Variants in IPCEF1 observed in about 807,000 individuals in gnomAD.
IPCEF1 encodes interaction protein for cytohesin exchange factors 1.
Under a neutral mutation model 50.9 loss-of-function variants are expected in IPCEF1, and 31 were observed. The observed-to-expected ratio is 0.61, with a 90% CI of 0.46 to 0.82. The LOEUF is 0.82. IPCEF1 is among the 40% of genes least tolerant of loss of function. IPCEF1 has a pLI of 0.00. For synonymous variants in IPCEF1, 181 were observed against 192.0 expected (o/e 0.94, Z 0.47); for missense variants, 458 against 514.0 (o/e 0.89, Z 1.05).
chr6:154,274,688 GTGGTCTATACCT>G (rs1234383054), intron 2 of IPCEF1, among the ~76,000 whole-genome samples: 1 of 152,128 alleles, frequency 6.6e-6, no homozygotes, highest in African/African-American at 2.4e-5. Flanking sequence ...CTTCTAAAAT[GTGGTCTATACCT>G]GCAGGGGCCA....
At chr6:154,330,412 A>G (rs971742803) in intron 1 of IPCEF1, among the ~76,000 whole-genome samples, 1 of 140,780 alleles carries the variant, frequency 7.1e-6, no homozygotes, top group Non-Finnish European at 1.5e-5. Context: ...ATAGCTCACT[A>G]TATAGCCTCA....
At chr6:154,335,769 A>G (rs1783775124) in intron 1 of IPCEF1, among the ~76,000 whole-genome samples, 1 of 152,244 alleles carries the variant, frequency 6.6e-6, no homozygotes, top group Non-Finnish European at 1.5e-5. Flanking sequence ...AATATTCAGA[A>G]TAACAAGGAA....
At chr6:154,200,951 G>A (rs769919495) in intron 9 of IPCEF1, among the ~76,000 whole-genome samples, 4 of 152,162 alleles carry the variant, frequency 2.6e-5, no homozygotes, top group Non-Finnish European at 2.9e-5. Flanking sequence ...GGGACCTGAT[G>A]GGAGGTGATT....
intron 5 of IPCEF1, among the ~76,000 whole-genome samples, chr6:154,242,519 T>A (rs9479796): frequency 1.3e-5 from 2 of 151,926 alleles, no homozygotes; most frequent in Non-Finnish European, 2.9e-5. Flanking sequence ...GATCTTCTCC[T>A]ACAGAAATGA....
chr6:154,264,826 C>T lies in IPCEF1; in HGVS notation c.36+1086G>A, dbSNP rs974590348. On this transcript the variant is annotated intron_variant, in intron 3 of 11. Coordinates refer to ENST00000367220, the MANE Select transcript of IPCEF1 (RefSeq NM_001130700.2). ...CAAGTCAAGCAAAGGATGTTTCAGC[C>T]GCCCTGCATGTTACTAAGGTGTCCC... is the stretch of plus-strand genomic sequence containing the variant. Among the ~76,000 whole-genome samples, 26 of 152,132 alleles carry T rather than the reference C, an allele frequency of 1.7e-4. 1 individual carries two copies. The highest frequency in any genetic ancestry group is 1.6e-3 in the Admixed American group (24 of 15,278).
chr6:154,226,886 A>G (rs28672815), intron 5 of IPCEF1, among the ~76,000 whole-genome samples: 2,336 of 152,234 alleles, frequency 0.015, 25 homozygotes, highest in Middle Eastern at 0.041. Context: ...AAACAGAAAA[A>G]TCAAAAACAA....
At chr6:154,344,084 T>C (rs1783976603) in intron 1 of IPCEF1, among the ~76,000 whole-genome samples, 1 of 151,828 alleles carries the variant, frequency 6.6e-6, no homozygotes, top group South Asian at 2.1e-4. Flanking sequence ...CCTCCTCCTC[T>C]AGCCTCCTCA....
At chr6:154,205,015 C>T (rs898112335) in intron 9 of IPCEF1, among the ~76,000 whole-genome samples, 2 of 152,118 alleles carry the variant, frequency 1.3e-5, no homozygotes, top group East Asian at 1.9e-4. Flanking sequence ...GTTGGGTGGA[C>T]GGCCTCCTTC....
intron 1 of IPCEF1, among the ~76,000 whole-genome samples, chr6:154,336,455 G>A (rs998755658): frequency 2.6e-5 from 4 of 152,192 alleles, no homozygotes; most frequent in Admixed American, 2.6e-4. Context: ...CTCACATGTG[G>A]AAGCTAAAAA....
intron 3 of IPCEF1, among the ~76,000 whole-genome samples, chr6:154,262,493 A>C (rs761584919): frequency 2.6e-5 from 4 of 152,214 alleles, no homozygotes; most frequent in Non-Finnish European, 4.4e-5. Flanking sequence ...TAGAATCAGG[A>C]TAGGTAAGGG....
At chr6:154,295,894 T>C (rs978219330) in intron 1 of IPCEF1, among the ~76,000 whole-genome samples, 3 of 106,712 alleles carry the variant, frequency 2.8e-5, no homozygotes, top group Non-Finnish European at 5.6e-5. Flanking sequence ...CACACATGCG[T>C]ACACACACAC....
chr6:154,247,154 G>A (rs1048298898), intron 4 of IPCEF1: 2 of 428,842 alleles, frequency 4.7e-6, no homozygotes, highest in African/African-American at 2.0e-5. Context: ...AATAACAGCC[G>A]TAGTTATGCA....
intron 5 of IPCEF1, among the ~76,000 whole-genome samples, chr6:154,223,609 C>T (rs1258551408): frequency 3.9e-5 from 6 of 152,166 alleles, no homozygotes; most frequent in South Asian, 2.1e-4. Context: ...TCTATTCCTA[C>T]GACTCTAGTC....
chr6:154,218,205 A>G (rs1778567010), intron 7 of IPCEF1, among the ~76,000 whole-genome samples: 1 of 152,228 alleles, frequency 6.6e-6, no homozygotes, highest in South Asian at 2.1e-4. Flanking sequence ...AGTTTGTTGT[A>G]TATTAACTTG....
At chr6:154,169,546 C>T (rs1311198284) in intron 10 of IPCEF1, among the ~76,000 whole-genome samples, 2 of 152,344 alleles carry the variant, frequency 1.3e-5, no homozygotes, top group African/African-American at 4.8e-5. Flanking sequence ...TTGAGAACTA[C>T]TGCCCTAGAT....
intron 1 of IPCEF1, among the ~76,000 whole-genome samples, chr6:154,341,634 CT>C (rs977272816): frequency 6.6e-6 from 1 of 152,110 alleles, no homozygotes; most frequent in Non-Finnish European, 1.5e-5. Flanking sequence ...CCTTTTTCAT[CT>C]TTCTTCCTCC....
intron 1 of IPCEF1, among the ~76,000 whole-genome samples, chr6:154,340,660 C>T (rs879829811): frequency 6.6e-5 from 10 of 151,870 alleles, no homozygotes; most frequent in Admixed American, 2.0e-4. Context: ...CCGAGGTGGG[C>T]GGATTACCTG....
Position 154,159,804 on chromosome 6 carries a change from AGAG to A in IPCEF1, c.*21_*23del, listed in dbSNP as rs1232049298. 6.4e-7 allele frequency: 1 copy of A among 1,557,434 alleles called. No homozygotes were observed. Among genetic ancestry groups the A allele is most frequent in the Admixed American group, 1.8e-5 (1 of 56,600 alleles). ...GAAGAGTTGCTTGTGATAAAATATAAGAGGAGAAAACCCTGACTTTGTCTCAAA... is the reference window on the plus strand; with the variant it reads ...GAAGAGTTGCTTGTGATAAAATATAAGAGAAAACCCTGACTTTGTCTCAAA... On this transcript the variant is annotated 3_prime_UTR_variant, in exon 12 of 12. Coordinates refer to ENST00000367220, the MANE Select transcript of IPCEF1 (RefSeq NM_001130700.2).
At chr6:154,167,350 T>A (rs1413836730) in intron 11 of IPCEF1, among the ~76,000 whole-genome samples, 1 of 152,212 alleles carries the variant, frequency 6.6e-6, no homozygotes, top group African/African-American at 2.4e-5. Context: ...TGTGAAAACA[T>A]CTGCTGGTCT....
Sources: allele counts gnomAD v4.1 joint callset (sites outside exome capture counted in the v4.1 genomes callset), GRCh38; gene constraint gnomAD v4.1.1; transcripts MANE v1.5; gene names NCBI Gene and HGNC (gene_info 2026-07-23, HGNC 2026-07-21).